Variants in NAALADL2 observed in about 807,000 individuals in gnomAD.
The protein encoded by NAALADL2 is inactive N-acetylated-alpha-linked acidic dipeptidase-like protein 2.
NAALADL2 carries 76 observed loss-of-function variants against 87.2 expected under a neutral mutation model. The ratio of observed to expected loss-of-function variants is 0.87; its 90% CI spans 0.72 to 1.05. The LOEUF (loss-of-function observed/expected upper bound fraction) is 1.05, where lower values mean the gene tolerates loss of function less well. Ranked by LOEUF, NAALADL2 falls within the 50% of genes least tolerant of loss-of-function variation. The pLI is 0.00. For synonymous variants in NAALADL2, 354 were observed against 331.0 expected, an observed-to-expected ratio of 1.07 and a Z score of -0.75; for missense variants, 1,089 against 945.8, an observed-to-expected ratio of 1.15 and a Z score of -1.99.
chr3:175,313,473 T>C lies in NAALADL2; in HGVS notation c.940-10702T>C, dbSNP rs142813573. ...GCTAAATGATGGAAATAATACAAGCTTTTCCGTTTGGTTCTTGATATCCAA... is the reference window on the plus strand; with the variant it reads ...GCTAAATGATGGAAATAATACAAGCCTTTCCGTTTGGTTCTTGATATCCAA... On this transcript the variant is annotated intron_variant, in intron 4 of 13. Transcript: ENST00000454872. Among the ~76,000 whole-genome samples the C allele has an allele frequency of 5.7e-3, 870 of 152,326 alleles. 6 individuals carry two copies. The highest frequency in any genetic ancestry group is 0.02 in the African/African-American group (825 of 41,584).
At chr3:175,502,951 G>C (rs1463725226) in intron 9 of NAALADL2, among the ~76,000 whole-genome samples, 1 of 150,134 alleles carries the variant, frequency 6.7e-6, no homozygotes, top group Admixed American at 6.7e-5. Context: ...CATTATTTTA[G>C]GTTCAGGGGT....
intron 10 of NAALADL2, chr3:175,581,209 A>G: frequency 3.0e-6 from 1 of 335,660 alleles, no homozygotes; most frequent in Non-Finnish European, 6.2e-6. Flanking sequence ...TGTGAGGCTG[A>G]GGCGGGAGGA....
At chr3:175,727,468 G>A (rs1743093626) in intron 11 of NAALADL2, among the ~76,000 whole-genome samples, 1 of 152,124 alleles carries the variant, frequency 6.6e-6, no homozygotes, top group Non-Finnish European at 1.5e-5. Context: ...TGTGTTTGGG[G>A]AACTATATAT....
At chr3:175,037,321 C>T (rs776366447) in intron 1 of NAALADL2, among the ~76,000 whole-genome samples, 43 of 152,110 alleles carry the variant, frequency 2.8e-4, no homozygotes, top group Non-Finnish European at 6.3e-4. Context: ...TGCTAGCCTA[C>T]AGCTGTACCC....
chr3:175,808,640 CTAAT>C lies in NAALADL2; in HGVS notation c.*5442_*5445del, dbSNP rs1322076508. On this transcript the variant is annotated 3_prime_UTR_variant, in exon 14 of 14. Coordinates refer to ENST00000454872, the MANE Select transcript of NAALADL2 (RefSeq NM_207015.3). ...GGAAACAGATTTTATTTTCCAGGGG[CTAAT>C]TAATATGCACCACCTAAGTCCCCAA... 2 of 151,926 alleles carry C rather than the reference CTAAT, an allele frequency of 1.3e-5. No homozygotes were observed. Among genetic ancestry groups the C allele is most frequent in the African/African-American group, 4.8e-5 (2 of 41,400 alleles). The allele number at this position is 151,926 out of a possible 1,614,324, so 9.4% of individuals were successfully genotyped here.
At chr3:174,446,542 T>C (rs940547014) in intron 1 of NAALADL2, among the ~76,000 whole-genome samples, 6 of 152,166 alleles carry the variant, frequency 3.9e-5, no homozygotes, top group Non-Finnish European at 7.4e-5. Context: ...CTTCAAATAA[T>C]GCATCCCTAA....
At chr3:174,961,331 T>C (rs1001336036) in intron 1 of NAALADL2, among the ~76,000 whole-genome samples, 11 of 151,716 alleles carry the variant, frequency 7.3e-5, no homozygotes, top group African/African-American at 2.2e-4. Context: ...AAGATATATA[T>C]ACTTTATCTA....
chr3:174,604,160 T>A (rs764643761), intron 2 of NAALADL2, among the ~76,000 whole-genome samples: 3 of 152,190 alleles, frequency 2.0e-5, no homozygotes, highest in Non-Finnish European at 4.4e-5. Context: ...AAGTGAGATG[T>A]GCTGATAGTG....
intron 2 of NAALADL2, among the ~76,000 whole-genome samples, chr3:174,642,012 A>G (rs11715594): frequency 0.47 from 71,889 of 151,388 alleles, 17,528 homozygotes; most frequent in East Asian, 0.65. Context: ...TCCTGCCTTG[A>G]CCTCCCAAAG....
intron 3 of NAALADL2, among the ~76,000 whole-genome samples, chr3:175,237,673 G>T (rs142467698): frequency 6.6e-6 from 1 of 151,076 alleles, no homozygotes; most frequent in East Asian, 1.9e-4. Flanking sequence ...ACTTTTTCTT[G>T]TCAATAGAGG....
intron 4 of NAALADL2, among the ~76,000 whole-genome samples, chr3:175,323,625 A>G (rs1183479490): frequency 4.6e-5 from 7 of 151,562 alleles, no homozygotes; most frequent in African/African-American, 1.7e-4. Context: ...TATAGACATT[A>G]TAGCAATGCT....
intron 9 of NAALADL2, among the ~76,000 whole-genome samples, chr3:175,518,842 A>G (rs1273658716): frequency 2.0e-5 from 3 of 152,252 alleles, no homozygotes; most frequent in Non-Finnish European, 2.9e-5. Context: ...CGTAGATCAA[A>G]AAATCAACTT....
At chr3:175,483,826 T>A (rs547164565) in intron 9 of NAALADL2, among the ~76,000 whole-genome samples, 1 of 152,242 alleles carries the variant, frequency 6.6e-6, no homozygotes, top group East Asian at 1.9e-4. Flanking sequence ...CAAACGTAAT[T>A]GCTGGTTTTG....
intron 1 of NAALADL2, among the ~76,000 whole-genome samples, chr3:175,093,251 TA>T: frequency 6.6e-6 from 1 of 151,530 alleles, no homozygotes; most frequent in African/African-American, 2.4e-5. Context: ...AAGCTTCTGA[TA>T]AAAAGAAACG....
chr3:175,236,194 G>T (rs188883071), intron 3 of NAALADL2, among the ~76,000 whole-genome samples: 87 of 152,158 alleles, frequency 5.7e-4, no homozygotes, highest in African/African-American at 2.0e-3. Flanking sequence ...CATGGGAGAT[G>T]AACCCTTCAA....
At chr3:175,145,511 T>A (rs1580684905) in intron 2 of NAALADL2, among the ~76,000 whole-genome samples, 1 of 152,006 alleles carries the variant, frequency 6.6e-6, no homozygotes, top group Non-Finnish European at 1.5e-5. Flanking sequence ...GGAAAGAAAA[T>A]GTATTTTTTT....
At chr3:175,243,503 A>T (rs1437803946) in intron 3 of NAALADL2, among the ~76,000 whole-genome samples, 1 of 150,242 alleles carries the variant, frequency 6.7e-6, no homozygotes, top group Non-Finnish European at 1.5e-5. Context: ...TTTAAACCAT[A>T]GAAATTTGCA....
intron 1 of NAALADL2, among the ~76,000 whole-genome samples, chr3:174,478,165 T>C (rs1478740365): frequency 6.6e-6 from 1 of 152,192 alleles, no homozygotes; most frequent in Non-Finnish European, 1.5e-5. Context: ...GTTGTGTTTT[T>C]AGAAACTTAC....
intron 2 of NAALADL2, among the ~76,000 whole-genome samples, chr3:175,172,160 T>C (rs1560117133): frequency 6.6e-6 from 1 of 152,138 alleles, no homozygotes; most frequent in Non-Finnish European, 1.5e-5. Flanking sequence ...ATATCACATG[T>C]ACCCCACAAA....
Sources: allele counts gnomAD v4.1 joint callset (sites outside exome capture counted in the v4.1 genomes callset), GRCh38; gene constraint gnomAD v4.1.1; transcripts MANE v1.5; gene names NCBI Gene and HGNC (gene_info 2026-07-23, HGNC 2026-07-21).